SCAMP5: variants seen among roughly 807,000 people sequenced by gnomAD.
SCAMP5 encodes secretory carrier-associated membrane protein 5.
Under a neutral mutation model 28.3 loss-of-function variants are expected in SCAMP5, and 7 were observed. The ratio of observed to expected loss-of-function variants is 0.25; its 90% CI spans 0.14 to 0.46. The LOEUF is 0.46. SCAMP5 is among the 20% of genes least tolerant of loss of function. The probability of loss-of-function intolerance (pLI) is 0.99; values close to 1 mark genes in which losing one functional copy is unlikely to be tolerated. For synonymous variants in SCAMP5, 117 were observed against 116.4 expected, an observed-to-expected ratio of 1.00 and a Z score of -0.03; for missense variants, 192 against 312.5, an observed-to-expected ratio of 0.61 and a Z score of 2.91.
chr15:75,016,774 T>C, intron 4 of SCAMP5, 25 bp downstream of exon 4: 1 of 1,590,510 alleles, frequency 6.3e-7, no homozygotes, highest in South Asian at 1.1e-5. Flanking sequence ...CTATCCGCAG[T>C]GCCTAGCCGT....
chr15:75,001,071 C>G (rs946025629), intron 1 of SCAMP5, among the ~76,000 whole-genome samples: 1 of 150,460 alleles, frequency 6.6e-6, no homozygotes, highest in South Asian at 2.1e-4. Flanking sequence ...CTAGCCGAGA[C>G]CATCCTGGCT....
intron 3 of SCAMP5, among the ~76,000 whole-genome samples, chr15:75,013,554 G>C (rs977826487): frequency 3.3e-5 from 5 of 152,118 alleles, no homozygotes; most frequent in African/African-American, 1.2e-4. Flanking sequence ...AAAAAAATTA[G>C]GCCTGTGTGG....
rs1319184765 is a variant in SCAMP5 at position 75,016,772 on chromosome 15, A to G, written c.293+23A>G. The G allele has an allele frequency of 1.9e-6, 3 of 1,601,446 alleles. No homozygotes were observed. In the African/African-American group the frequency reaches 4.0e-5, roughly 22 times the overall value. Reference sequence around the variant, plus strand: ...CAAGTAAGTGGTTGGTGCTATCCGCAGTGCCTAGCCGTCTCTGCCCATCTC... The same window carrying G: ...CAAGTAAGTGGTTGGTGCTATCCGCGGTGCCTAGCCGTCTCTGCCCATCTC... On this transcript the variant is annotated intron_variant, in intron 4 of 6. Transcript: ENST00000425597.
At chr15:75,012,863 C>T (rs527259577) in intron 3 of SCAMP5, 58 bp downstream of exon 3, 48 of 1,581,704 alleles carry the variant, frequency 3.0e-5, no homozygotes, top group Middle Eastern at 1.7e-4. Flanking sequence ...GAAGACTGGG[C>T]GTGCTGGGCA....
rs1406759284 is a variant in SCAMP5 at position 75,016,660 on chromosome 15, C to T, written c.204C>T (p.Ala68=). The change falls in exon 4 of 7, where the codon GCC becomes GCT. Residue 68 remains alanine (A), a synonymous_variant. Coordinates refer to ENST00000425597, the MANE Select transcript of SCAMP5 (RefSeq NM_138967.4). ...CLAWLIGGGG[A]TNFGLAFLWL... is the part of the protein sequence containing the mutation. ...CGTGGCTGATCGGAGGCGGGGGAGCCACCAACTTTGGCCTCGCCTTTCTCT... is the reference window on the plus strand; with the variant it reads ...CGTGGCTGATCGGAGGCGGGGGAGCTACCAACTTTGGCCTCGCCTTTCTCT... The T allele has an allele frequency of 1.2e-6, 2 of 1,613,864 alleles. No individual in the cohort carries two copies. The highest frequency in any genetic ancestry group is 2.2e-5 in the South Asian group (2 of 91,076).
intron 4 of SCAMP5, among the ~76,000 whole-genome samples, chr15:75,017,026 C>G (rs1171028771): frequency 3.9e-5 from 6 of 151,920 alleles, no homozygotes; most frequent in African/African-American, 1.5e-4. Flanking sequence ...CTGTCATCCC[C>G]TTCCTCAGGC....
intron 3 of SCAMP5, among the ~76,000 whole-genome samples, chr15:75,014,172 G>A (rs560388739): frequency 2.6e-5 from 4 of 152,298 alleles, no homozygotes; most frequent in East Asian, 3.9e-4. Flanking sequence ...TGCATGTGCC[G>A]ACAAGGTGGT....
intron 1 of SCAMP5, among the ~76,000 whole-genome samples, chr15:75,008,298 G>A (rs2065779785): frequency 6.6e-6 from 1 of 151,926 alleles, no homozygotes; most frequent in South Asian, 2.1e-4. Context: ...CTTCCGTTAT[G>A]TAGGTGACTA....
chr15:75,013,890 G>A (rs957919940), intron 3 of SCAMP5, among the ~76,000 whole-genome samples: 1 of 152,020 alleles, frequency 6.6e-6, no homozygotes. Context: ...AATGTTCTAA[G>A]GTTTTAAGGC....
chr15:75,000,681 GC>G (rs1319145531), intron 1 of SCAMP5, among the ~76,000 whole-genome samples: 2 of 105,352 alleles, frequency 1.9e-5, no homozygotes, highest in Admixed American at 2.4e-4. Context: ...ATCGCACCCA[GC>G]CTTTTTTTTT....
At chr15:75,011,938 T>C in intron 2 of SCAMP5, 92 bp downstream of exon 2, 2 of 1,060,776 alleles carry the variant, frequency 1.9e-6, no homozygotes, top group Non-Finnish European at 2.9e-6. Context: ...CCCTAGTCTT[T>C]GGAGGCCAGG....
intron 1 of SCAMP5, among the ~76,000 whole-genome samples, chr15:75,004,418 G>GT (rs2065737101): frequency 6.6e-6 from 1 of 152,072 alleles, no homozygotes; most frequent in Admixed American, 6.5e-5. Flanking sequence ...AAAGACCAGC[G>GT]TGTGTCTTCT....
intron 1 of SCAMP5, among the ~76,000 whole-genome samples, chr15:75,004,386 T>C (rs1351046666): frequency 6.6e-6 from 1 of 152,044 alleles, no homozygotes; most frequent in African/African-American, 2.4e-5. Flanking sequence ...TGAAAGGACG[T>C]TACAGACCAG....
At chr15:75,012,551 T>G (rs1595887030) in intron 2 of SCAMP5, 126 bp from the exon 3 acceptor site, 33 of 1,106,908 alleles carry the variant, frequency 3.0e-5, no homozygotes, top group African/African-American at 1.5e-5. Flanking sequence ...GACGGCTGGG[T>G]GGGGAAAGCA....
intron 1 of SCAMP5, among the ~76,000 whole-genome samples, chr15:75,008,990 ATTC>A: frequency 6.6e-6 from 1 of 152,310 alleles, no homozygotes; most frequent in East Asian, 1.9e-4. Context: ...AGGAAAATAT[ATTC>A]TTATTATCTT....
chr15:75,000,268 C>T (rs1270677594), intron 1 of SCAMP5, among the ~76,000 whole-genome samples: 5 of 152,152 alleles, frequency 3.3e-5, no homozygotes, highest in Non-Finnish European at 7.3e-5. Context: ...TTCACAGGTG[C>T]AATCATAGCT....
Position 75,021,020 on chromosome 15 carries a change from C to T in SCAMP5, c.*2037C>T, listed in dbSNP as rs903480279. ...AGAACTTTGGCTCCCTTTCCCTTCT[C>T]TCTCTGGTAGCTCCAGGAGGCCTGT... is the stretch of plus-strand genomic sequence containing the variant. On this transcript the variant is annotated 3_prime_UTR_variant, in exon 7 of 7. Coordinates refer to ENST00000425597, the MANE Select transcript of SCAMP5 (RefSeq NM_138967.4). 4 of 152,604 alleles carry T rather than the reference C, an allele frequency of 2.6e-5. No individual in the cohort carries two copies. Among genetic ancestry groups the T allele is most frequent in the African/African-American group, 9.7e-5 (4 of 41,434 alleles). 9.5% of individuals were successfully genotyped at this position (152,604 alleles called of 1,614,324 possible).
At chr15:75,010,489 C>T (rs1163867345) in intron 1 of SCAMP5, among the ~76,000 whole-genome samples, 1 of 152,190 alleles carries the variant, frequency 6.6e-6, no homozygotes, top group East Asian at 1.9e-4. Context: ...CATCTGCTGC[C>T]CCCTCATTTG....
chr15:75,016,549 C>T lies in SCAMP5; in HGVS notation c.137-44C>T, dbSNP rs1199169339. 16 of 1,579,518 alleles carry T rather than the reference C, an allele frequency of 1.0e-5. 1 individual carries two copies. The South Asian group carries it at 1.7e-4, about 17-fold the overall frequency. On this transcript the variant is annotated intron_variant, in intron 3 of 6. Coordinates refer to ENST00000425597, the MANE Select transcript of SCAMP5 (RefSeq NM_138967.4). The stretch of plus-strand genomic sequence containing the variant: ...GGTGCTCATGTGTCTCTCTATGGGC[C>T]TGGGTGTCTGTCTCTATGTGTGCAT...
Sources: gnomAD v4.1 joint callset for allele counts (sites outside exome capture counted in the v4.1 genomes callset) on GRCh38, gnomAD v4.1.1 for gene constraint, MANE v1.5 for transcripts, NCBI Gene and HGNC (gene_info 2026-07-23, HGNC 2026-07-21) for gene names.